The following ELFN1 variants were observed in gnomAD, a reference collection of about 807,000 sequenced individuals.
ELFN1 encodes the protein protein ELFN1.
A neutral mutation model predicts 7.6 loss-of-function variants in ELFN1; 6 were observed. The observed-to-expected ratio is 0.79, with a 90% CI of 0.43 to 1.56. The LOEUF (loss-of-function observed/expected upper bound fraction) is 1.56, where lower values mean the gene tolerates loss of function less well. Ranked by LOEUF, ELFN1 falls within the 40% of genes most tolerant of loss-of-function variation. The pLI is 0.01. For missense variants in ELFN1, 1,169 were observed against 1,232.2 expected, an observed-to-expected ratio of 0.95 and a Z score of 0.77; for synonymous variants, 657 against 588.1, an observed-to-expected ratio of 1.12 and a Z score of -1.70.
chr7:1,709,603 C>G (rs1319671768), intron 3 of ELFN1, among the ~76,000 whole-genome samples: 3 of 152,254 alleles, frequency 2.0e-5, no homozygotes, highest in African/African-American at 7.2e-5. Context: ...GAGACTTCAT[C>G]TTCCACCACT....
chr7:1,685,546 T>A (rs1304198415), intron 1 of ELFN1, among the ~76,000 whole-genome samples: 1 of 152,180 alleles, frequency 6.6e-6, no homozygotes, highest in African/African-American at 2.4e-5. Context: ...TATTGATTGA[T>A]CTTCAAGCAC....
In ELFN1 at chr7:1,713,751, AG is replaced by A. The variant is rs943863021; in HGVS notation, c.-294+4507del. Among the ~76,000 whole-genome samples the A allele has an allele frequency of 1.9e-4, 29 of 150,920 alleles. No individual in the cohort carries two copies. The East Asian group carries it at 1.9e-3, about 10-fold the overall frequency. ...TAGGTCTCGGTTTCCCTCTCTGGGG[AG>A]GGGGGGGCGATGTCCTTGCCAGCAG... On this transcript the variant is annotated intron_variant, in intron 3 of 3. Coordinates refer to ENST00000424383, the MANE Select transcript of ELFN1 (RefSeq NM_001128636.4).
In ELFN1 at chr7:1,744,819, G is replaced by A. The variant is rs770385203; in HGVS notation, c.223G>A (p.Val75Met). Residue 75 changes from valine to methionine, a missense_variant, in exon 4 of 4, where the codon GTG becomes ATG. Physicochemically the swap from Val to Met is conservative, Grantham distance 21. Around this residue, in one of 2 missense-constraint regions of ELFN1, gnomAD observed 255 missense variants for 359.6 expected, o/e 0.71. Transcript: ENST00000424383. Reference protein sequence around the residue: ...LRLNENRIRSVQYASLSRFGN... With the variant: ...LRLNENRIRSMQYASLSRFGN... ...GCTCAACGAGAACCGTATCCGCAGC[G>A]TGCAGTACGCCTCGCTCAGCCGCTT... 3.8e-6 allele frequency: 6 copies of A among 1,567,406 alleles called. No homozygotes were observed. The highest frequency in any genetic ancestry group is 1.4e-5 in the African/African-American group (1 of 73,928).
chr7:1,731,817 T>A (rs1211703395), intron 3 of ELFN1, among the ~76,000 whole-genome samples: 5 of 152,098 alleles, frequency 3.3e-5, no homozygotes, highest in African/African-American at 1.2e-4. Context: ...GCCTGGCTAA[T>A]TTTTGTATTT....
chr7:1,715,767 C>T (rs954723162), intron 3 of ELFN1, among the ~76,000 whole-genome samples: 7 of 152,276 alleles, frequency 4.6e-5, no homozygotes, highest in Non-Finnish European at 8.8e-5. Flanking sequence ...TGCCTCTGGC[C>T]TCTCCCGCTG....
chr7:1,732,840 C>T (rs975916304), intron 3 of ELFN1, among the ~76,000 whole-genome samples: 5 of 152,110 alleles, frequency 3.3e-5, no homozygotes, highest in East Asian at 1.9e-4. Flanking sequence ...ACAGTGGGGA[C>T]GGCGCTGAAC....
At position 1,736,704 on chromosome 7, in the gene ELFN1, T is replaced by C. The variant is rs535050092; in HGVS notation, c.-293-7600T>C. ...CGCCGCACACAATCCCAAGAGTCCTTGGAGGCATCTGGTTCAACAATTTCA... is the reference window on the plus strand; with the variant it reads ...CGCCGCACACAATCCCAAGAGTCCTCGGAGGCATCTGGTTCAACAATTTCA... On this transcript the variant is annotated intron_variant, in intron 3 of 3. Coordinates refer to ENST00000424383, the MANE Select transcript of ELFN1 (RefSeq NM_001128636.4). Among the ~76,000 whole-genome samples the C allele has an allele frequency of 5.9e-5, 9 of 152,252 alleles. No individual in the cohort carries two copies. The East Asian group carries it at 1.7e-3, about 29-fold the overall frequency.
rs576044586 is a variant in ELFN1, at chr7:1,735,668, C to G, written c.-293-8636C>G. Among the ~76,000 whole-genome samples, 1 of 152,250 alleles carries G rather than the reference C, an allele frequency of 6.6e-6. No individual in the cohort carries two copies. Among genetic ancestry groups the G allele is most frequent in the South Asian group, 2.1e-4 (1 of 4,822 alleles). On this transcript the variant is annotated intron_variant, in intron 3 of 3. Coordinates refer to ENST00000424383, the MANE Select transcript of ELFN1 (RefSeq NM_001128636.4). The surrounding 1 kb of genome is among the most constrained non-coding windows in gnomAD (Gnocchi z 5.9). ...CTGGTGAGATCCCTCAATGGGCCCC[C>G]CTCTGTGGGCACCAGGTCCGGCAAC...
intron 3 of ELFN1, among the ~76,000 whole-genome samples, chr7:1,720,531 G>A (rs899999169): frequency 1.3e-5 from 2 of 152,204 alleles, no homozygotes; most frequent in African/African-American, 2.4e-5. Context: ...ATGGAAAACC[G>A]CCTTCAATAA....
chr7:1,746,500 C>A lies in ELFN1; in HGVS notation c.1904C>A (p.Pro635His), dbSNP rs548589331. The change falls in exon 4 of 4, where the codon CCC (proline) becomes CAC (histidine). Residue 635 changes from proline to histidine, a missense_variant. Around this residue, in one of 2 missense-constraint regions of ELFN1, gnomAD observed 914 missense variants for 872.6 expected, o/e 1.05. Coordinates refer to ENST00000424383, the MANE Select transcript of ELFN1 (RefSeq NM_001128636.4). ...CACCACAGCGTGGAGGCCGCCGGGC[C>A]CCCTCGTGCCAGCACCTCGTCCAGC... Reference protein sequence around the residue: ...QRHHSVEAAGPPRASTSSSGS... With the variant: ...QRHHSVEAAGHPRASTSSSGS... The A allele has an allele frequency of 1.2e-5, 18 of 1,490,740 alleles. 1 individual carries two copies. In the African/African-American group the frequency reaches 1.3e-4, roughly 11 times the overall value. The allele number at this position is 1,490,740 out of a possible 1,614,324, so 92.3% of individuals were successfully genotyped here.
chr7:1,746,089 C>G lies in ELFN1; in HGVS notation c.1493C>G (p.Pro498Arg). The change falls in exon 4 of 4, where the codon CCT becomes CGT. Residue 498 changes from proline to arginine, a missense_variant. Coordinates refer to ENST00000424383, the MANE Select transcript of ELFN1 (RefSeq NM_001128636.4). ...LLGPEAVTRI[P>R]YLPAAGEVEQ... ...GGCCCCGAGGCCGTGACGCGCATCC[C>G]TTACCTGCCTGCGGCCGGCGAGGTG... The G allele has an allele frequency of 1.3e-6, 2 of 1,547,184 alleles. No homozygotes were observed. The highest frequency in any genetic ancestry group is 2.0e-5 in the Admixed American group (1 of 50,884).
Position 1,735,994 on chromosome 7 carries a change from G to A in ELFN1, c.-293-8310G>A, listed in dbSNP as rs1406742444. Among the ~76,000 whole-genome samples the A allele has an allele frequency of 2.6e-5, 4 of 152,158 alleles. No homozygotes were observed. Among genetic ancestry groups the A allele is most frequent in the South Asian group, 2.1e-4 (1 of 4,824 alleles). ...GAGCCAACACCATCTCCTGGCCCAC[G>A]ATGGTTCTGTGTCCCCTGACGCAGC... On this transcript the variant is annotated intron_variant, in intron 3 of 3. Transcript: ENST00000424383. The surrounding 1 kb of genome is among the most constrained non-coding windows in gnomAD (Gnocchi z 5.9).
chr7:1,715,363 C>T (rs565497380), intron 3 of ELFN1, among the ~76,000 whole-genome samples: 10 of 152,316 alleles, frequency 6.6e-5, no homozygotes, highest in South Asian at 2.1e-4. Flanking sequence ...GCCTCCACCC[C>T]ACACCTGGCT....
chr7:1,691,488 A>C (rs1176168089), intron 2 of ELFN1, among the ~76,000 whole-genome samples: 1 of 152,202 alleles, frequency 6.6e-6, no homozygotes, highest in African/African-American at 2.4e-5. Context: ...CCCTGATGTT[A>C]GGGGACTTAT....
At chr7:1,712,500 C>T (rs1197555084) in intron 3 of ELFN1, among the ~76,000 whole-genome samples, 5 of 151,862 alleles carry the variant, frequency 3.3e-5, no homozygotes, top group African/African-American at 2.4e-5. Context: ...GGTGCAATCT[C>T]GGCTCACTGC....
At chr7:1,671,113 G>A (rs1478247105) in intron 1 of ELFN1, among the ~76,000 whole-genome samples, 2 of 151,328 alleles carry the variant, frequency 1.3e-5, no homozygotes, top group Non-Finnish European at 2.9e-5. Flanking sequence ...AAACCTGCAG[G>A]TCACCTGCTT....
chr7:1,679,508 C>T (rs1190684711), intron 1 of ELFN1, among the ~76,000 whole-genome samples: 1 of 152,142 alleles, frequency 6.6e-6, no homozygotes, highest in African/African-American at 2.4e-5. Context: ...CAGGAACGTT[C>T]CCTGGAGGTT....
At chr7:1,696,180 G>T (rs951791353) in intron 2 of ELFN1, among the ~76,000 whole-genome samples, 4 of 151,904 alleles carry the variant, frequency 2.6e-5, no homozygotes, top group Admixed American at 1.3e-4. Flanking sequence ...GAGAGAGTGT[G>T]TGTGTGTGTG....
chr7:1,667,912 G>T (rs1778695759), upstream of ELFN1, among the ~76,000 whole-genome samples: 1 of 148,926 alleles, frequency 6.7e-6, no homozygotes, highest in African/African-American at 2.5e-5. This position sits in a 1 kb window ranked among gnomAD's most constrained non-coding sequence, Gnocchi z 8.2. Flanking sequence ...GGGCGACCCG[G>T]CCGGGACTCC....
Sources: allele counts gnomAD v4.1 joint callset (sites outside exome capture counted in the v4.1 genomes callset), GRCh38; gene constraint gnomAD v4.1.1; regional missense constraint gnomAD v4.1.1; non-coding constraint Gnocchi (gnomAD v3.1); transcripts MANE v1.5; gene names NCBI Gene and HGNC (gene_info 2026-07-23, HGNC 2026-07-21).